Variants in ZNF608 observed in about 807,000 individuals in gnomAD.
The protein encoded by ZNF608 is renal carcinoma antigen NY-REN-36.
Under a neutral mutation model 109.0 loss-of-function variants are expected in ZNF608, and 12 were observed. The ratio of observed to expected loss-of-function variants is 0.11; its 90% CI spans 0.07 to 0.18. The LOEUF (loss-of-function observed/expected upper bound fraction) is 0.18, where lower values mean the gene tolerates loss of function less well. Ranked by LOEUF, ZNF608 falls within the 10% of genes least tolerant of loss-of-function variation. The pLI is 1.00. For synonymous variants in ZNF608, 732 were observed against 717.4 expected (o/e 1.02, Z -0.33); for missense variants, 1,707 against 1,879.3 (o/e 0.91, Z 1.70).
chr5:124,739,547 C>G (rs1192085557), intron 2 of ZNF608, among the ~76,000 whole-genome samples: 1 of 152,206 alleles, frequency 6.6e-6, no homozygotes, highest in Non-Finnish European at 1.5e-5. Context: ...TTTGGAAAAG[C>G]TGACCGCTCA....
At chr5:124,683,610 G>A (rs975420154) in intron 3 of ZNF608, among the ~76,000 whole-genome samples, 3 of 152,180 alleles carry the variant, frequency 2.0e-5, no homozygotes, top group Non-Finnish European at 2.9e-5. Context: ...AGTAGAAATT[G>A]GGTGAAGGGA....
chr5:124,666,751 GTGTGTGTT>G (rs1375512341), intron 3 of ZNF608, among the ~76,000 whole-genome samples: 2 of 129,768 alleles, frequency 1.5e-5, no homozygotes, highest in Non-Finnish European at 3.2e-5. Flanking sequence ...GTGTGTGTGT[GTGTGTGTT>G]TCATCTGTTT....
In ZNF608 at chr5:124,648,226, C is replaced by T. The variant is rs1232859423; in HGVS notation, c.2158G>A (p.Ala720Thr). ...TTTTTGTCCGTTTTGCAGTTGGTAGCTTTTTTGCCCTTTTCTTTATCTCCT... is the reference window on the plus strand; with the variant it reads ...TTTTTGTCCGTTTTGCAGTTGGTAGTTTTTTTGCCCTTTTCTTTATCTCCT... ...NLGDKEKGKK[A>T]TNCKTDKNLS... The change falls in exon 5 of 10, where the codon GCT becomes ACT. Residue 720 changes from alanine to threonine, a missense_variant. This residue lies in a region of ZNF608 where 1,073 missense variants were observed against 1,133.5 expected (regional missense o/e 0.95). Coordinates refer to ENST00000513986, the MANE Select transcript of ZNF608 (RefSeq NM_020747.3). 2.5e-6 allele frequency: 4 copies of T among 1,614,146 alleles called. No individual in the cohort carries two copies. The East Asian group carries it at 8.9e-5, about 36-fold the overall frequency.
chr5:124,738,045 A>G (rs1239677930), intron 2 of ZNF608, among the ~76,000 whole-genome samples: 1 of 152,206 alleles, frequency 6.6e-6, no homozygotes, highest in Non-Finnish European at 1.5e-5. Flanking sequence ...TAAAACCCAT[A>G]CTAACTAAAT....
At chr5:124,642,434 C>T (rs911657412) in intron 7 of ZNF608, among the ~76,000 whole-genome samples, 8 of 152,154 alleles carry the variant, frequency 5.3e-5, no homozygotes, top group African/African-American at 1.9e-4. Context: ...TGCCTTATTA[C>T]ATGTCACGGG....
rs112355197 is a variant in ZNF608, at chr5:124,660,779, A to G, written c.1163-11082T>C. On this transcript the variant is annotated intron_variant, in intron 3 of 9. Transcript: ENST00000513986. Reference sequence around the variant, plus strand: ...CATAAAGAAGCCACTCAGCATATGTACTACGGCGTCCTCATCTTTTAAACT... The same window carrying G: ...CATAAAGAAGCCACTCAGCATATGTGCTACGGCGTCCTCATCTTTTAAACT... Among the ~76,000 whole-genome samples the G allele has an allele frequency of 8.1e-3, 1,238 of 152,356 alleles. 14 individuals carry two copies. The highest frequency in any genetic ancestry group is 0.022 in the African/African-American group (917 of 41,568).
intron 3 of ZNF608, among the ~76,000 whole-genome samples, chr5:124,669,033 A>C (rs1751600396): frequency 6.6e-6 from 1 of 152,188 alleles, no homozygotes; most frequent in African/African-American, 2.4e-5. Context: ...ACCTATTGCA[A>C]AGGGCATACT....
chr5:124,687,205 G>T (rs1207282274), intron 3 of ZNF608, among the ~76,000 whole-genome samples: 4 of 152,140 alleles, frequency 2.6e-5, no homozygotes, highest in African/African-American at 9.7e-5. Context: ...ACTTCCCACA[G>T]TCATTTTCTT....
chr5:124,690,831 A>G (rs1685844305), intron 3 of ZNF608, among the ~76,000 whole-genome samples: 1 of 152,172 alleles, frequency 6.6e-6, no homozygotes, highest in African/African-American at 2.4e-5. Flanking sequence ...CAATGAACAG[A>G]GTAAAAGGAA....
In ZNF608 at chr5:124,649,086, C is replaced by T; in HGVS notation, c.1298G>A (p.Gly433Asp). The stretch of plus-strand genomic sequence containing the variant: ...AGCAGACCTCGCTCTCTTCCCTCTG[C>T]CCCGGCCCCCTCTCATCTCCAGGTC... The part of the protein sequence containing the change: ...TSDLEMRGGR[G>D]RGKRARSAAA... The change falls in exon 5 of 10, where the codon GGC becomes GAC. Residue 433 changes from glycine (G) to aspartate (D), a missense_variant. Gly to Asp is a moderately conservative substitution (Grantham distance 94). Around this residue, in one of 7 missense-constraint regions of ZNF608, gnomAD observed 166 missense variants for 204.2 expected, o/e 0.81. Coordinates refer to ENST00000513986, the MANE Select transcript of ZNF608 (RefSeq NM_020747.3). 2 of 1,594,640 alleles carry T rather than the reference C, an allele frequency of 1.3e-6. No homozygotes were observed. The highest frequency in any genetic ancestry group is 1.4e-5 in the African/African-American group (1 of 73,748).
Position 124,647,418 on chromosome 5 carries a change from A to G in ZNF608, c.2966T>C (p.Leu989Pro). ...HSSTTAQSSQLKESHSPYYHS... is the reference protein window; with the variant it reads ...HSSTTAQSSQPKESHSPYYHS... ...GTAATAGGGAGAATGGGACTCTTTCAGTTGAGATGATTGTGCTGTAGTTGA... is the reference window on the plus strand; with the variant it reads ...GTAATAGGGAGAATGGGACTCTTTCGGTTGAGATGATTGTGCTGTAGTTGA... The change falls in exon 5 of 10, where the codon CTG becomes CCG. Residue 989 changes from leucine (L) to proline (P), a missense_variant. This residue lies in a region of ZNF608 where 1,073 missense variants were observed against 1,133.5 expected (regional missense o/e 0.95). Transcript: ENST00000513986. 1 of 1,614,220 alleles carries G rather than the reference A, an allele frequency of 6.2e-7. No individual in the cohort carries two copies. The highest frequency in any genetic ancestry group is 1.1e-5 in the South Asian group (1 of 91,086).
At chr5:124,719,425 G>T (rs550137203) in intron 2 of ZNF608, among the ~76,000 whole-genome samples, 1 of 152,332 alleles carries the variant, frequency 6.6e-6, no homozygotes, top group South Asian at 2.1e-4. Flanking sequence ...GGGTTTCCCT[G>T]CCACTTACAG....
At chr5:124,724,601 C>G (rs536777708) in intron 2 of ZNF608, among the ~76,000 whole-genome samples, 14 of 149,434 alleles carry the variant, frequency 9.4e-5, no homozygotes, top group Non-Finnish European at 1.5e-4. Flanking sequence ...TATATTAATT[C>G]AACAGCACGT....
At chr5:124,700,495 G>C (rs567084640) in intron 3 of ZNF608, among the ~76,000 whole-genome samples, 1 of 152,184 alleles carries the variant, frequency 6.6e-6, no homozygotes, top group South Asian at 2.1e-4. Context: ...AGAAGTGACC[G>C]GCTTACTAGG....
chr5:124,706,415 G>A (rs1401404079), intron 2 of ZNF608, among the ~76,000 whole-genome samples: 1 of 152,128 alleles, frequency 6.6e-6, no homozygotes, highest in African/African-American at 2.4e-5. Context: ...ACCTGAAATC[G>A]ATAGGTGGTT....
chr5:124,725,283 T>C (rs1162824975), intron 2 of ZNF608, among the ~76,000 whole-genome samples: 2 of 152,038 alleles, frequency 1.3e-5, no homozygotes, highest in Non-Finnish European at 1.5e-5. Context: ...AACCAAAATA[T>C]ATTTATTTGT....
chr5:124,746,374 C>G lies in ZNF608; in HGVS notation c.-363G>C, dbSNP rs1749640308. Reference sequence around the variant, plus strand: ...ATAACATTATTCCACCTCCCCACCCCCCTTTTGGCAAACGAATCAGTCCTT... The same window carrying G: ...ATAACATTATTCCACCTCCCCACCCGCCTTTTGGCAAACGAATCAGTCCTT... On this transcript the variant is annotated 5_prime_UTR_variant, in exon 1 of 10. Coordinates refer to ENST00000513986, the MANE Select transcript of ZNF608 (RefSeq NM_020747.3). 1 of 985,370 alleles carries G rather than the reference C, an allele frequency of 1.0e-6. No homozygotes were observed. Among genetic ancestry groups the G allele is most frequent in the Non-Finnish European group, 1.2e-6 (1 of 829,940 alleles). 61.0% of individuals were successfully genotyped at this position (985,370 alleles called of 1,614,324 possible). A position where few individuals can be genotyped will look rare whatever the true frequency, so the allele number is the denominator to read the frequency against.
intron 3 of ZNF608, among the ~76,000 whole-genome samples, chr5:124,669,013 C>A (rs538724015): frequency 2.6e-4 from 39 of 152,186 alleles, no homozygotes; most frequent in South Asian, 1.0e-3. Flanking sequence ...AGAGAAGGAA[C>A]CAGAAGACTA....
chr5:124,740,511 GAAAA>G (rs5871103), intron 2 of ZNF608, among the ~76,000 whole-genome samples: 1 of 144,144 alleles, frequency 6.9e-6, no homozygotes, highest in Non-Finnish European at 1.5e-5. Context: ...CACTATATTT[GAAAA>G]AAAAAAAAAG....
Sources: gnomAD v4.1 joint callset for allele counts (sites outside exome capture counted in the v4.1 genomes callset) on GRCh38, gnomAD v4.1.1 for gene constraint, gnomAD v4.1.1 regional missense constraint, MANE v1.5 for transcripts, NCBI Gene and HGNC (gene_info 2026-07-23, HGNC 2026-07-21) for gene names.